CYP2J2: variants seen among roughly 807,000 people sequenced by gnomAD.
CYP2J2 encodes cytochrome P450 2J2.
CYP2J2 carries 41 observed loss-of-function variants against 48.8 expected under a neutral mutation model. The ratio of observed to expected loss-of-function variants is 0.84; its 90% CI spans 0.66 to 1.09. CYP2J2 has a LOEUF of 1.09. Ranked by LOEUF, CYP2J2 falls within the 50% of genes least tolerant of loss-of-function variation. The probability of loss-of-function intolerance (pLI) is 0.00; values close to 1 mark genes in which losing one functional copy is unlikely to be tolerated. For synonymous variants in CYP2J2, 221 were observed against 227.1 expected (o/e 0.97, Z 0.24); for missense variants, 644 against 617.3 (o/e 1.04, Z -0.46).
At chr1:59,906,430 C>T (rs1036507923) in intron 6 of CYP2J2, among the ~76,000 whole-genome samples, 9 of 151,508 alleles carry the variant, frequency 5.9e-5, no homozygotes, top group Admixed American at 2.6e-4. Flanking sequence ...ACCCTAATGG[C>T]TTTGCAAAGC....
chr1:59,930,228 C>T (rs1229868688), upstream of CYP2J2, among the ~76,000 whole-genome samples: 1 of 152,162 alleles, frequency 6.6e-6, no homozygotes, highest in African/African-American at 2.4e-5. Context: ...GTGTAAATAT[C>T]TCTGAGATTC....
At chr1:59,938,865 C>A in the CYP2J2 span, among the ~76,000 whole-genome samples, 1 of 152,254 alleles carries the variant, frequency 6.6e-6, no homozygotes, top group African/African-American at 2.4e-5. Flanking sequence ...TTCCGCAGTG[C>A]ATTGTGCCCC....
At chr1:59,957,189 C>G in the CYP2J2 span, among the ~76,000 whole-genome samples, 1 of 152,052 alleles carries the variant, frequency 6.6e-6, no homozygotes, top group Non-Finnish European at 1.5e-5. Flanking sequence ...GATAGGTAAC[C>G]AGCTCACAGA....
the CYP2J2 span, among the ~76,000 whole-genome samples, chr1:59,955,963 C>CTG: frequency 3.9e-5 from 6 of 151,990 alleles, no homozygotes; most frequent in African/African-American, 1.2e-4. Flanking sequence ...GGTAAAGTTG[C>CTG]ACACATCATG....
the CYP2J2 span, among the ~76,000 whole-genome samples, chr1:59,950,199 A>G: frequency 6.6e-6 from 1 of 152,154 alleles, no homozygotes; most frequent in African/African-American, 2.4e-5. Flanking sequence ...CTTACCAATG[A>G]GTAGGAGAAA....
chr1:59,913,650 T>C (rs780167064), intron 2 of CYP2J2, among the ~76,000 whole-genome samples: 1 of 152,168 alleles, frequency 6.6e-6, no homozygotes, highest in Non-Finnish European at 1.5e-5. Flanking sequence ...CAAATCCAGG[T>C]CTTCACTGCT....
chr1:59,905,271 C>T (rs148582175), intron 6 of CYP2J2, among the ~76,000 whole-genome samples: 7 of 152,208 alleles, frequency 4.6e-5, no homozygotes, highest in South Asian at 2.1e-4. Flanking sequence ...ATGGAATGAC[C>T]AGGATTAATA....
At chr1:59,937,163 T>G in the CYP2J2 span, among the ~76,000 whole-genome samples, 2 of 152,228 alleles carry the variant, frequency 1.3e-5, no homozygotes, top group Non-Finnish European at 2.9e-5. Context: ...CCATTTCCTA[T>G]GATGGAGTCT....
chr1:59,909,284 G>A (rs2102120608), intron 5 of CYP2J2, among the ~76,000 whole-genome samples: 1 of 152,268 alleles, frequency 6.6e-6, no homozygotes. Flanking sequence ...CTGGAACCTA[G>A]GGATGTTACT....
Position 59,893,538 on chromosome 1 carries a change from T to C in CYP2J2, c.*113A>G. The C allele has an allele frequency of 2.6e-6, 2 of 772,672 alleles. No homozygotes were observed. Among genetic ancestry groups the C allele is most frequent in the South Asian group, 5.9e-5 (2 of 33,790 alleles). 47.9% of individuals were successfully genotyped at this position (772,672 alleles called of 1,614,324 possible). A position where few individuals can be genotyped will look rare whatever the true frequency, so the allele number is the denominator to read the frequency against. On this transcript the variant is annotated 3_prime_UTR_variant, in exon 9 of 9. Transcript: ENST00000371204. Reference sequence around the variant, plus strand: ...TTTTCTCTGAGTCAAATTCCTCTGATCTTTCTTGAAAGTCACTTTCATTTT... The same window carrying C: ...TTTTCTCTGAGTCAAATTCCTCTGACCTTTCTTGAAAGTCACTTTCATTTT...
chr1:59,905,915 T>C (rs1644360800), intron 6 of CYP2J2, among the ~76,000 whole-genome samples: 1 of 152,102 alleles, frequency 6.6e-6, no homozygotes, highest in Non-Finnish European at 1.5e-5. Context: ...AAAGAATATA[T>C]TTTCCTCACG....
chr1:59,918,317 C>T (rs908033838), intron 1 of CYP2J2, among the ~76,000 whole-genome samples: 1 of 152,126 alleles, frequency 6.6e-6, no homozygotes, highest in Non-Finnish European at 1.5e-5. Flanking sequence ...TTAAAAATGA[C>T]TTCTAACTAG....
the CYP2J2 span, among the ~76,000 whole-genome samples, chr1:59,939,132 AG>A: frequency 1.3e-5 from 2 of 152,240 alleles, no homozygotes; most frequent in African/African-American, 2.4e-5. Context: ...ACACAGACAC[AG>A]TAACAGTCTG....
chr1:59,929,068 C>T (rs1311331717), upstream of CYP2J2, among the ~76,000 whole-genome samples: 3 of 152,290 alleles, frequency 2.0e-5, no homozygotes, highest in Non-Finnish European at 4.4e-5. Context: ...TGTGTAATAC[C>T]AACAGGGGCA....
chr1:59,930,429 A>G (rs559767293), upstream of CYP2J2, among the ~76,000 whole-genome samples: 1 of 152,258 alleles, frequency 6.6e-6, no homozygotes, highest in South Asian at 2.1e-4. Flanking sequence ...CTTCTGTTAT[A>G]CTATTCATCC....
chr1:59,934,136 A>G, the CYP2J2 span, among the ~76,000 whole-genome samples: 1 of 152,178 alleles, frequency 6.6e-6, no homozygotes, highest in Admixed American at 6.5e-5. Context: ...CATAACGGGG[A>G]AAGGACAGTC....
At chr1:59,952,296 C>G in the CYP2J2 span, among the ~76,000 whole-genome samples, 3 of 150,196 alleles carry the variant, frequency 2.0e-5, no homozygotes, top group African/African-American at 7.4e-5. Flanking sequence ...TGCCAATTCT[C>G]TATGCGTATG....
intron 1 of CYP2J2, among the ~76,000 whole-genome samples, chr1:59,924,308 T>C (rs1424328081): frequency 6.6e-6 from 1 of 152,130 alleles, no homozygotes; most frequent in East Asian, 1.9e-4. Context: ...TATCTAAAGA[T>C]AGTTCTTCAG....
chr1:59,912,044 C>A, intron 3 of CYP2J2, 118 bp downstream of exon 3: 5 of 1,169,744 alleles, frequency 4.3e-6, no homozygotes, highest in Non-Finnish European at 5.9e-6. Context: ...GTTCACTGTT[C>A]TATCTTCCAT....
Sources: gnomAD v4.1 joint callset for allele counts (sites outside exome capture counted in the v4.1 genomes callset) on GRCh38, gnomAD v4.1.1 for gene constraint, MANE v1.5 for transcripts, NCBI Gene and HGNC (gene_info 2026-07-23, HGNC 2026-07-21) for gene names.